The following PCDHA2 variants were observed in gnomAD, a reference collection of about 807,000 sequenced individuals.
PCDHA2 encodes the protein protocadherin alpha 2, also known as protocadherin alpha-2.
PCDHA2 carries 58 observed loss-of-function variants against 66.0 expected under a neutral mutation model. That is an observed-to-expected ratio of 0.88 (90% CI 0.71 to 1.09). The LOEUF (loss-of-function observed/expected upper bound fraction) is 1.09. Ranked by LOEUF, PCDHA2 falls within the 50% of genes least tolerant of loss-of-function variation. PCDHA2 has a pLI of 0.00. For missense variants in PCDHA2, 1,267 were observed against 1,242.3 expected (o/e 1.02, Z -0.30); for synonymous variants, 634 against 554.0 (o/e 1.14, Z -2.03).
At chr5:140,877,980 T>C in intron 1 of PCDHA2, 1 of 1,219,572 alleles carries the variant, frequency 8.2e-7, no homozygotes. Flanking sequence ...TTCTTACTCA[T>C]TTTGAACTTT....
chr5:140,992,381 T>C (rs890804495), intron 3 of PCDHA2, among the ~76,000 whole-genome samples: 5 of 152,200 alleles, frequency 3.3e-5, no homozygotes, highest in Admixed American at 1.3e-4. Context: ...TACATTATTG[T>C]GTTCTGGACT....
intron 1 of PCDHA2, chr5:140,926,929 G>A (rs1554203825): frequency 6.3e-7 from 1 of 1,575,722 alleles, no homozygotes; most frequent in South Asian, 1.2e-5. Flanking sequence ...ATGTTTGTGG[G>A]TTTCCTGCGG....
intron 1 of PCDHA2, among the ~76,000 whole-genome samples, chr5:140,872,165 CT>C (rs781807025): frequency 1.6e-3 from 233 of 143,900 alleles, no homozygotes; most frequent in Middle Eastern, 3.6e-3. Context: ...ATTTACTTTT[CT>C]TTTTTTTTTT....
At chr5:140,968,067 T>G in intron 1 of PCDHA2, 1 of 1,614,082 alleles carries the variant, frequency 6.2e-7, no homozygotes, top group Non-Finnish European at 8.5e-7. Context: ...CGGGTGGCTG[T>G]CTACAACATC....
intron 1 of PCDHA2, chr5:140,883,659 T>A (rs2059734857): frequency 6.2e-7 from 1 of 1,612,766 alleles, no homozygotes. Flanking sequence ...ACGGTGTTCG[T>A]GAAGGAAAAC....
At chr5:140,830,197 C>G (rs2150182627) in intron 1 of PCDHA2, 2 of 1,613,722 alleles carry the variant, frequency 1.2e-6, no homozygotes, top group African/African-American at 2.7e-5. Context: ...ACCTGATCAT[C>G]GCCATCTGCG....
rs186232239 is a variant in PCDHA2, at chr5:140,924,849, C to T, written c.2389-54100C>T. On this transcript the variant is annotated intron_variant, in intron 1 of 3. Coordinates refer to ENST00000526136, the MANE Select transcript of PCDHA2 (RefSeq NM_018905.3). ...GGGGGAGGTTGCAGGGAGCTCAGAT[C>T]GTGCCACTGCACTCCAGCCTGGGTG... 8.0e-3 allele frequency among the ~76,000 whole-genome samples: 1,208 copies of T among 150,322 alleles called. 6 individuals are homozygous for T. Among genetic ancestry groups the T allele is most frequent in the African/African-American group, 0.019 (780 of 40,670 alleles).
Position 140,839,560 on chromosome 5 carries a change from T to C in PCDHA2, c.2388+42208T>C, listed in dbSNP as rs1438393943. On this transcript the variant is annotated intron_variant, in intron 1 of 3. Transcript: ENST00000526136. ...ACACACCACCATGCCCAACTAATTT[T>C]TGTATTTTTTGTAGAGATGGGGTCT... Among the ~76,000 whole-genome samples the C allele has an allele frequency of 2.0e-5, 3 of 151,986 alleles. No individual in the cohort carries two copies. In the East Asian group the frequency reaches 5.8e-4, roughly 29 times the overall value.
chr5:140,913,531 A>T (rs1451484656), intron 1 of PCDHA2, among the ~76,000 whole-genome samples: 1 of 151,914 alleles, frequency 6.6e-6, no homozygotes, highest in Admixed American at 6.6e-5. Flanking sequence ...TTTTCAAAAG[A>T]TTGACTTTTT....
chr5:140,826,841 G>A (rs1217681651), intron 1 of PCDHA2, among the ~76,000 whole-genome samples: 1 of 152,138 alleles, frequency 6.6e-6, no homozygotes, highest in Non-Finnish European at 1.5e-5. Flanking sequence ...AGTTTCTCAA[G>A]TGTCTTGCAA....
intron 1 of PCDHA2, among the ~76,000 whole-genome samples, chr5:140,839,496 C>G (rs1776254419): frequency 6.6e-6 from 1 of 151,958 alleles, no homozygotes; most frequent in African/African-American, 2.4e-5. Context: ...CTCAAGTGAT[C>G]TTCCTACCTC....
At chr5:140,883,341 C>G in intron 1 of PCDHA2, 1 of 1,614,144 alleles carries the variant, frequency 6.2e-7, no homozygotes, top group Non-Finnish European at 8.5e-7. Context: ...TTGTCACTCC[C>G]CATCAGAGAA....
Position 140,982,485 on chromosome 5 carries a change from C to T in PCDHA2, c.2458C>T (p.Leu820=). 1 of 1,614,100 alleles carries T rather than the reference C, an allele frequency of 6.2e-7. No homozygotes were observed. The highest frequency in any genetic ancestry group is 8.5e-7 in the Non-Finnish European group (1 of 1,180,004). The part of the protein sequence containing the change: ...LRAGMHSSVH[L]EEAGILRAGP... ...TGTGTGTTTATTCAGCTCTGTGCAC[C>T]TAGAGGAGGCTGGCATTCTACGGGC... The change falls in exon 3 of 4, where the codon CTA becomes TTA. Residue 820 remains leucine (L), a synonymous_variant. Coordinates refer to ENST00000526136, the MANE Select transcript of PCDHA2 (RefSeq NM_018905.3).
intron 1 of PCDHA2, among the ~76,000 whole-genome samples, chr5:140,896,268 A>T (rs2065469707): frequency 6.6e-6 from 1 of 152,150 alleles, no homozygotes; most frequent in African/African-American, 2.4e-5. Context: ...CAGTTATGGG[A>T]TTTGCTGGCT....
chr5:140,933,377 C>A lies in PCDHA2; in HGVS notation c.2389-45572C>A, dbSNP rs910236493. Among the ~76,000 whole-genome samples the A allele has an allele frequency of 3.9e-5, 6 of 151,980 alleles. No homozygotes were observed. In the South Asian group the frequency reaches 1.2e-3, roughly 31 times the overall value. On this transcript the variant is annotated intron_variant, in intron 1 of 3. Transcript: ENST00000526136. ...TTCTAACCCATCCCAAATTCCTTGG[C>A]TGTTCCTAGAGCCATCTGGTTACCA...
At position 140,853,803 on chromosome 5, in the gene PCDHA2, C is replaced by T. The variant is rs574954325; in HGVS notation, c.2388+56451C>T. ...GTAAGAGCAAATTTTCATTTTAAAG[C>T]ACACCTGAGATGATTCTCATACAAC... On this transcript the variant is annotated intron_variant, in intron 1 of 3. Transcript: ENST00000526136. 88 of 986,658 alleles carry T rather than the reference C, an allele frequency of 8.9e-5. 10 individuals are homozygous for T. The highest frequency in any genetic ancestry group is 1.9e-4 in the South Asian group (4 of 21,086). The allele number at this position is 986,658 out of a possible 1,614,324, so 61.1% of individuals were successfully genotyped here. A position where few individuals can be genotyped will look rare whatever the true frequency, so the allele number is the denominator to read the frequency against.
At chr5:140,856,956 T>C (rs781976306) in intron 1 of PCDHA2, 1 of 1,593,360 alleles carries the variant, frequency 6.3e-7, no homozygotes, top group South Asian at 1.1e-5. Context: ...GAAATAAAAG[T>C]AAATGATGCT....
At position 140,877,459 on chromosome 5, in the gene PCDHA2, G is replaced by A. The variant is rs782125799; in HGVS notation, c.2388+80107G>A. ...CGGTGAGCCCGCGCTGACGTCCACGGCCACGGTGCTGGTGTCGCTGGTGGA... is the reference window on the plus strand; with the variant it reads ...CGGTGAGCCCGCGCTGACGTCCACGACCACGGTGCTGGTGTCGCTGGTGGA... On this transcript the variant is annotated intron_variant, in intron 1 of 3. Coordinates refer to ENST00000526136, the MANE Select transcript of PCDHA2 (RefSeq NM_018905.3). 98 of 1,613,712 alleles carry A rather than the reference G, an allele frequency of 6.1e-5. No individual in the cohort carries two copies. The East Asian group carries it at 2.1e-3, about 35-fold the overall frequency.
rs1277390291 is a variant in PCDHA2 at position 140,926,661 on chromosome 5, A to T, written c.2389-52288A>T. 7.5e-6 allele frequency: 4 copies of T among 536,378 alleles called. No homozygotes were observed. In the African/African-American group the frequency reaches 7.9e-5, roughly 11 times the overall value. The allele number at this position is 536,378 out of a possible 1,614,324, so 33.2% of individuals were successfully genotyped here. A position where few individuals can be genotyped will look rare whatever the true frequency, so the allele number is the denominator to read the frequency against. On this transcript the variant is annotated intron_variant, in intron 1 of 3. Coordinates refer to ENST00000526136, the MANE Select transcript of PCDHA2 (RefSeq NM_018905.3). ...AACACCCGGCCGGCTCCGCTTTCCC[A>T]GACGGCTGCCCAGCCTCCAGCCTAG...
Sources: gnomAD v4.1 joint callset for allele counts (sites outside exome capture counted in the v4.1 genomes callset) on GRCh38, gnomAD v4.1.1 for gene constraint, MANE v1.5 for transcripts, NCBI Gene and HGNC (gene_info 2026-07-23, HGNC 2026-07-21) for gene names.